The following DPY19L4 variants were observed in gnomAD, a reference collection of about 807,000 sequenced individuals.
DPY19L4 encodes probable C-mannosyltransferase DPY19L4.
Under a neutral mutation model 102.8 loss-of-function variants are expected in DPY19L4, and 97 were observed. That is an observed-to-expected ratio of 0.94 (90% CI 0.80 to 1.12). DPY19L4 has a LOEUF of 1.12. Ranked by LOEUF, DPY19L4 falls within the 50% of genes most tolerant of loss-of-function variation. DPY19L4 has a pLI of 0.00. For missense variants in DPY19L4, 815 were observed against 850.4 expected (o/e 0.96, Z 0.52); for synonymous variants, 252 against 283.1 (o/e 0.89, Z 1.10).
At chr8:94,781,373 G>T (rs1253179290) in intron 16 of DPY19L4, among the ~76,000 whole-genome samples, 1 of 152,134 alleles carries the variant, frequency 6.6e-6, no homozygotes, top group East Asian at 1.9e-4. Context: ...GCATTGGTCG[G>T]TATAAGATTT....
In DPY19L4 at chr8:94,774,799, A is replaced by G. The variant is rs150249831; in HGVS notation, c.1455-2867A>G. Reference sequence around the variant, plus strand: ...TCCATGTTGGTCAGGCTGGACTCAAACTCCCAACCTCAGGTGATCTGCCCG... The same window carrying G: ...TCCATGTTGGTCAGGCTGGACTCAAGCTCCCAACCTCAGGTGATCTGCCCG... On this transcript the variant is annotated intron_variant, in intron 13 of 18. Coordinates refer to ENST00000414645, the MANE Select transcript of DPY19L4 (RefSeq NM_181787.3). 4.7e-3 allele frequency among the ~76,000 whole-genome samples: 715 copies of G among 151,634 alleles called. 6 individuals carry two copies. Among genetic ancestry groups the G allele is most frequent in the African/African-American group, 0.017 (693 of 41,300 alleles).
chr8:94,741,328 C>G (rs1323425127), intron 6 of DPY19L4, among the ~76,000 whole-genome samples: 1 of 151,792 alleles, frequency 6.6e-6, no homozygotes, highest in Admixed American at 6.6e-5. Flanking sequence ...TAAGCATTTA[C>G]CTAACAGTTG....
intron 8 of DPY19L4, among the ~76,000 whole-genome samples, chr8:94,762,806 A>G (rs2130878941): frequency 6.6e-6 from 1 of 152,240 alleles, no homozygotes; most frequent in South Asian, 2.1e-4. Flanking sequence ...CAGCCTGAGC[A>G]ACATGGTAAG....
intron 1 of DPY19L4, among the ~76,000 whole-genome samples, chr8:94,722,941 T>G (rs1201210683): frequency 6.6e-6 from 1 of 152,232 alleles, no homozygotes; most frequent in African/African-American, 2.4e-5. Context: ...TATTTATGCT[T>G]TCTGAACGCA....
At chr8:94,770,284 G>C (rs1415386717) in intron 12 of DPY19L4, among the ~76,000 whole-genome samples, 168 bp from the exon 13 acceptor site, 1 of 152,016 alleles carries the variant, frequency 6.6e-6, no homozygotes. Context: ...CATATGTTAG[G>C]TATTTAACTA....
intron 7 of DPY19L4, among the ~76,000 whole-genome samples, 164 bp from the exon 8 acceptor site, chr8:94,761,536 T>G (rs1288544252): frequency 2.0e-5 from 3 of 152,236 alleles, no homozygotes; most frequent in Non-Finnish European, 2.9e-5. Flanking sequence ...TTGTCGTTTT[T>G]GTAAGGATTT....
At chr8:94,782,945 G>A (rs1016159757) in intron 16 of DPY19L4, among the ~76,000 whole-genome samples, 8 of 152,196 alleles carry the variant, frequency 5.3e-5, no homozygotes, top group African/African-American at 1.9e-4. Context: ...ATGTTACTGG[G>A]TACAATTACT....
At chr8:94,765,058 T>G in intron 8 of DPY19L4, 125 bp from the exon 9 acceptor site, 8 of 763,172 alleles carry the variant, frequency 1.0e-5, no homozygotes, top group Non-Finnish European at 1.6e-5. Context: ...AACATTTGCA[T>G]AATACTTTCC....
chr8:94,769,888 CTTT>C (rs368515503), intron 12 of DPY19L4, among the ~76,000 whole-genome samples: 2 of 131,216 alleles, frequency 1.5e-5, no homozygotes, highest in Admixed American at 7.8e-5. Context: ...TTATTCTTTT[CTTT>C]TTTTTTTTTT....
At chr8:94,739,162 C>T (rs1192876909) in intron 4 of DPY19L4, among the ~76,000 whole-genome samples, 1 of 152,150 alleles carries the variant, frequency 6.6e-6, no homozygotes, top group African/African-American at 2.4e-5. Context: ...CTATCCTCCC[C>T]TCCCCTCTAC....
chr8:94,742,391 T>A (rs11988403), intron 6 of DPY19L4, among the ~76,000 whole-genome samples: 67,312 of 151,736 alleles, frequency 0.44, 16,522 homozygotes, highest in African/African-American at 0.68. Flanking sequence ...TTACTTATTT[T>A]TTTTTTTTAC....
At chr8:94,769,588 A>T (rs761394138) in intron 12 of DPY19L4, among the ~76,000 whole-genome samples, 1 of 152,104 alleles carries the variant, frequency 6.6e-6, no homozygotes, top group African/African-American at 2.4e-5. Context: ...GCAGTGGCTT[A>T]TGCCTGTAAT....
chr8:94,736,629 A>C (rs34956631), intron 3 of DPY19L4, among the ~76,000 whole-genome samples: 16,642 of 152,222 alleles, frequency 0.11, 973 homozygotes, highest in Non-Finnish European at 0.13. Flanking sequence ...ATTCAGTCTA[A>C]AAAGCACAAA....
rs753645744 is a variant in DPY19L4, at chr8:94,734,713, T to C, written c.211T>C (p.Ser71Pro). Reference sequence around the variant, plus strand: ...TGGTATGATGTATGCTCTCTACTTATCAGCATACCATGAACGGAAATTCTG... The same window carrying C: ...TGGTATGATGTATGCTCTCTACTTACCAGCATACCATGAACGGAAATTCTG... ...TSGMMYALYL[S>P]AYHERKFWFS... The change falls in exon 3 of 19, where the codon TCA becomes CCA. Residue 71 changes from serine to proline, a missense_variant. Transcript: ENST00000414645. The C allele has an allele frequency of 8.7e-6, 14 of 1,613,878 alleles. No individual in the cohort carries two copies. In the South Asian group the frequency reaches 1.2e-4, roughly 14 times the overall value.
chr8:94,785,198 T>C (rs1211571644), intron 17 of DPY19L4, among the ~76,000 whole-genome samples: 1 of 152,144 alleles, frequency 6.6e-6, no homozygotes, highest in African/African-American at 2.4e-5. Flanking sequence ...ACCTCCTACT[T>C]GTGAGAATTA....
chr8:94,779,778 T>A (rs1373373077), intron 14 of DPY19L4, among the ~76,000 whole-genome samples: 1 of 152,190 alleles, frequency 6.6e-6, no homozygotes, highest in Non-Finnish European at 1.5e-5. Flanking sequence ...CCTGGGTTTC[T>A]GGTTGGTATG....
At chr8:94,727,336 C>T (rs914538697) in intron 2 of DPY19L4, among the ~76,000 whole-genome samples, 1 of 152,154 alleles carries the variant, frequency 6.6e-6, no homozygotes, top group Admixed American at 6.6e-5. Flanking sequence ...TGGGTTCAAG[C>T]GATTGTCCTG....
chr8:94,764,691 A>G (rs189122129), intron 8 of DPY19L4, among the ~76,000 whole-genome samples: 2,609 of 24,326 alleles, frequency 0.11, 90 homozygotes, highest in African/African-American at 0.23. Flanking sequence ...CTGTGTGTGT[A>G]TATATATATA....
chr8:94,734,095 T>A (rs935727121), intron 2 of DPY19L4, among the ~76,000 whole-genome samples: 6 of 150,984 alleles, frequency 4.0e-5, no homozygotes, highest in African/African-American at 1.5e-4. Context: ...AATCTTGCTC[T>A]GTCCCCCAGG....
Sources: allele counts gnomAD v4.1 joint callset (sites outside exome capture counted in the v4.1 genomes callset), GRCh38; gene constraint gnomAD v4.1.1; transcripts MANE v1.5; gene names NCBI Gene and HGNC (gene_info 2026-07-23, HGNC 2026-07-21).